HMCN2: variants seen among roughly 807,000 people sequenced by gnomAD.
HMCN2 encodes hemicentin-2.
In HMCN2, 325 loss-of-function variants were observed where a neutral mutation model predicts 377.5. The ratio of observed to expected loss-of-function variants is 0.86; its 90% CI spans 0.79 to 0.94. The LOEUF is 0.94. Among genes scored for constraint, HMCN2 ranks in the 40% least tolerant of loss-of-function variants. The pLI is 0.00. For missense variants in HMCN2, 4,543 were observed against 4,725.3 expected (o/e 0.96, Z 1.13); for synonymous variants, 2,007 against 2,046.8 (o/e 0.98, Z 0.53).
chr9:130,406,061 C>G lies in HMCN2; in HGVS notation c.12446C>G (p.Pro4149Arg). 7.8e-7 allele frequency: 1 copy of G among 1,289,892 alleles called. No individual in the cohort carries two copies. Among genetic ancestry groups the G allele is most frequent in the Non-Finnish European group, 1.0e-6 (1 of 988,890 alleles). The allele number at this position is 1,289,892 out of a possible 1,614,324, so 79.9% of individuals were successfully genotyped here. The part of the protein sequence containing the change: ...ILVLPVFTTL[P>R]GDRSLRLGDR... ...GTACTGCCTGTGTTCACCACCCTGC[C>G]TGGGGACCGCAGCCTGCGCCTTGGG... Residue 4149 changes from proline (P) to arginine (R), a missense_variant, in exon 82 of 98, where the codon CCT (proline) becomes CGT (arginine). Around this residue, in one of 5 missense-constraint regions of HMCN2, gnomAD observed 1,073 missense variants for 1,319.5 expected, o/e 0.81. Transcript: ENST00000683500.
chr9:130,280,873 A>T (rs936153913), intron 1 of HMCN2, among the ~76,000 whole-genome samples: 1 of 152,172 alleles, frequency 6.6e-6, no homozygotes, highest in Non-Finnish European at 1.5e-5. Context: ...TGGGAGCCCA[A>T]TGCAGGCGGA....
Position 130,408,751 on chromosome 9 carries a change from G to C in HMCN2, c.12697G>C (p.Val4233Leu), listed in dbSNP as rs1329036549. The C allele has an allele frequency of 1.6e-6, 2 of 1,289,000 alleles. No homozygotes were observed. Among genetic ancestry groups the C allele is most frequent in the Admixed American group, 4.6e-5 (2 of 43,500 alleles). 79.8% of individuals were successfully genotyped at this position (1,289,000 alleles called of 1,614,324 possible). Residue 4233 changes from valine to leucine, a missense_variant, in exon 84 of 98, where the codon GTC (valine) becomes CTC (leucine). By Grantham distance (32) the Val-to-Leu change is conservative. Around this residue, in one of 5 missense-constraint regions of HMCN2, gnomAD observed 1,073 missense variants for 1,319.5 expected, o/e 0.81. Coordinates refer to ENST00000683500, the MANE Select transcript of HMCN2 (RefSeq NM_001291815.2). ...VSFVHVKEAP[V>L]LQGEAFSYLV... is the part of the protein sequence containing the mutation. ...GATGTCACCCCATGCAGAGGCTCCT[G>C]TCCTACAAGGGGAGGCTTTCTCCTA...
intron 62 of HMCN2, 27 bp downstream of exon 62, chr9:130,388,567 C>T (rs1842136035): frequency 3.0e-6 from 3 of 987,726 alleles, no homozygotes; most frequent in Admixed American, 6.1e-5. Context: ...TTGTCTGTTT[C>T]GCGTAAAGCA....
intron 90 of HMCN2, among the ~76,000 whole-genome samples, chr9:130,426,531 C>T (rs958256913): frequency 3.3e-5 from 5 of 152,158 alleles, no homozygotes; most frequent in African/African-American, 1.2e-4. Flanking sequence ...CCATCTGCAC[C>T]GCGGGCATGA....
At chr9:130,403,069 T>C in intron 78 of HMCN2, 125 bp from the exon 79 acceptor site, 1 of 1,079,860 alleles carries the variant, frequency 9.3e-7, no homozygotes, top group Non-Finnish European at 1.2e-6. Context: ...CTTGTTGCTG[T>C]GGCCGATGTT....
intron 47 of HMCN2, 47 bp downstream of exon 47, chr9:130,372,454 A>C: frequency 1.3e-6 from 1 of 757,316 alleles, no homozygotes; most frequent in Non-Finnish European, 1.6e-6. Flanking sequence ...ACTCTTCCCC[A>C]CTGCCTGGGA....
intron 49 of HMCN2, among the ~76,000 whole-genome samples, chr9:130,375,216 G>A (rs951152320): frequency 1.3e-5 from 2 of 152,336 alleles, no homozygotes; most frequent in South Asian, 4.1e-4. Context: ...ACTCAGCGGG[G>A]AACAAAGCCC....
intron 1 of HMCN2, among the ~76,000 whole-genome samples, chr9:130,272,795 C>T (rs1205498448): frequency 2.0e-5 from 3 of 151,904 alleles, no homozygotes; most frequent in African/African-American, 4.8e-5. Flanking sequence ...TGGGCTCAAG[C>T]GGTCCACCCA....
intron 19 of HMCN2, among the ~76,000 whole-genome samples, chr9:130,323,634 C>A (rs977633396): frequency 2.0e-5 from 3 of 152,058 alleles, no homozygotes; most frequent in African/African-American, 7.2e-5. Flanking sequence ...AAAAAACTGA[C>A]GATGGCAGGC....
At chr9:130,355,924 G>A (rs1367698618) in intron 33 of HMCN2, 70 bp downstream of exon 33, 2 of 1,033,838 alleles carry the variant, frequency 1.9e-6, no homozygotes, top group African/African-American at 1.7e-5. Context: ...ATTGTGGGGG[G>A]AAGTGGACAG....
In HMCN2 at chr9:130,295,731, G is replaced by A. The variant is rs1036452025; in HGVS notation, c.850G>A (p.Val284Ile). ...CAACATCCCTGACTCGGCCAAGGTC[G>A]TAGCCTTTAAGCCTGAGCATCCGGG... ...LLNIPDSAKV[V>I]AFKPEHPGLW... Residue 284 changes from valine (V) to isoleucine (I), a missense_variant, in exon 6 of 98, where the codon GTA (valine) becomes ATA (isoleucine). Val to Ile is a conservative substitution (Grantham distance 29). Around this residue, in one of 5 missense-constraint regions of HMCN2, gnomAD observed 547 missense variants for 189.9 expected, o/e 2.88. Transcript: ENST00000683500. The A allele has an allele frequency of 4.2e-6, 2 of 471,020 alleles. No homozygotes were observed. The highest frequency in any genetic ancestry group is 8.8e-6 in the Non-Finnish European group (2 of 226,996). The allele number at this position is 471,020 out of a possible 1,614,324, so 29.2% of individuals were successfully genotyped here. A position where few individuals can be genotyped will look rare whatever the true frequency, so the allele number is the denominator to read the frequency against.
chr9:130,383,648 CA>C, intron 57 of HMCN2, 48 bp downstream of exon 57: 3 of 893,314 alleles, frequency 3.4e-6, no homozygotes, highest in Non-Finnish European at 4.0e-6. Context: ...TTTCCCTTCC[CA>C]GGGGGCACTG....
At chr9:130,378,871 G>A (rs1841543649) in intron 53 of HMCN2, among the ~76,000 whole-genome samples, 1 of 152,170 alleles carries the variant, frequency 6.6e-6, no homozygotes, top group South Asian at 2.1e-4. Flanking sequence ...GGTGATCAGA[G>A]CAGGTGACCT....
chr9:130,409,204 C>T (rs921615089), intron 84 of HMCN2, among the ~76,000 whole-genome samples: 1 of 152,198 alleles, frequency 6.6e-6, no homozygotes, highest in African/African-American at 2.4e-5. Context: ...GTCTCATACC[C>T]ATTATTTAAG....
intron 15 of HMCN2, among the ~76,000 whole-genome samples, chr9:130,315,603 C>T (rs1196237378): frequency 6.6e-6 from 1 of 151,258 alleles, no homozygotes; most frequent in East Asian, 2.0e-4. Flanking sequence ...GGACTCTGCC[C>T]TGCCATCCTC....
intron 7 of HMCN2, among the ~76,000 whole-genome samples, chr9:130,297,852 A>C (rs567528521): frequency 6.6e-6 from 1 of 152,326 alleles, no homozygotes; most frequent in East Asian, 1.9e-4. Context: ...TCCTATGTGT[A>C]GTGATGGCGC....
At position 130,370,539 on chromosome 9, in the gene HMCN2, G is replaced by A. The variant is rs1840962562; in HGVS notation, c.7070-425G>A. ...CCCCCACCCCCCTGGGTAGAGAGTG[G>A]CTTCCTTCAGGAACAGGTTCCTTCA... On this transcript the variant is annotated intron_variant, in intron 45 of 97. Coordinates refer to ENST00000683500, the MANE Select transcript of HMCN2 (RefSeq NM_001291815.2). Among the ~76,000 whole-genome samples the A allele has an allele frequency of 3.3e-5, 5 of 152,210 alleles. 1 individual carries two copies. In the South Asian group the frequency reaches 1.0e-3, roughly 32 times the overall value.
chr9:130,309,828 A>T, intron 14 of HMCN2, 84 bp from the exon 15 acceptor site: 1 of 356,954 alleles, frequency 2.8e-6, no homozygotes. Context: ...CAGCCGCAGG[A>T]GCCAAGGGTC....
At chr9:130,300,550 C>T (rs1343502611) in intron 8 of HMCN2, among the ~76,000 whole-genome samples, 3 of 152,220 alleles carry the variant, frequency 2.0e-5, no homozygotes, top group African/African-American at 7.2e-5. Context: ...GAAACTGAGC[C>T]CACCCAGCTC....
Sources: allele counts gnomAD v4.1 joint callset (sites outside exome capture counted in the v4.1 genomes callset), GRCh38; gene constraint gnomAD v4.1.1; regional missense constraint gnomAD v4.1.1; transcripts MANE v1.5; gene names NCBI Gene and HGNC (gene_info 2026-07-23, HGNC 2026-07-21).